NR2C2: variants seen among roughly 807,000 people sequenced by gnomAD.
NR2C2 encodes the protein nuclear receptor subfamily 2 group C member 2, also known as Nuclear hormone receptor TR4.
In NR2C2, 6 loss-of-function variants were observed where a neutral mutation model predicts 62.9. The ratio of observed to expected loss-of-function variants is 0.10; its 90% CI spans 0.05 to 0.19. NR2C2 has a LOEUF of 0.19. Ranked by LOEUF, NR2C2 falls within the 10% of genes least tolerant of loss-of-function variation. The pLI is 1.00. For missense variants in NR2C2, 479 were observed against 762.7 expected, an observed-to-expected ratio of 0.63 and a Z score of 4.38; for synonymous variants, 272 against 273.8, an observed-to-expected ratio of 0.99 and a Z score of 0.07.
intron 1 of NR2C2, among the ~76,000 whole-genome samples, chr3:14,964,842 A>G (rs1335247429): frequency 6.6e-6 from 1 of 151,964 alleles, no homozygotes; most frequent in Non-Finnish European, 1.5e-5. Context: ...ATTTTACAAT[A>G]ATTTGTATTC....
intron 1 of NR2C2, among the ~76,000 whole-genome samples, chr3:15,000,361 G>A (rs1448800083): frequency 1.3e-5 from 2 of 152,156 alleles, no homozygotes. Flanking sequence ...TCTTTTTAAA[G>A]GCTGAATAGT....
At chr3:14,956,079 C>T (rs2039515806) in intron 1 of NR2C2, among the ~76,000 whole-genome samples, 1 of 152,108 alleles carries the variant, frequency 6.6e-6, no homozygotes, top group African/African-American at 2.4e-5. Flanking sequence ...GCTAAGTAAA[C>T]TTGGAGTCTA....
intron 1 of NR2C2, among the ~76,000 whole-genome samples, chr3:14,973,410 T>A (rs1045757524): frequency 3.3e-5 from 5 of 152,066 alleles, no homozygotes; most frequent in African/African-American, 1.2e-4. Context: ...AAAAAAAAAT[T>A]TTTTTTAAAG....
At chr3:14,963,423 G>T (rs2039744931) in intron 1 of NR2C2, among the ~76,000 whole-genome samples, 1 of 152,106 alleles carries the variant, frequency 6.6e-6, no homozygotes, top group African/African-American at 2.4e-5. Flanking sequence ...TTAACCATGG[G>T]TCCTACTGCA....
At chr3:15,018,682 G>A (rs1181376410) in intron 4 of NR2C2, among the ~76,000 whole-genome samples, 1 of 151,980 alleles carries the variant, frequency 6.6e-6, no homozygotes, top group Non-Finnish European at 1.5e-5. Flanking sequence ...TGACCAACGT[G>A]GCAAAACCTC....
intron 4 of NR2C2, among the ~76,000 whole-genome samples, chr3:15,019,014 C>CT (rs1223450410): frequency 1.7e-5 from 1 of 58,100 alleles, no homozygotes; most frequent in Non-Finnish European, 3.0e-5. Flanking sequence ...AGACTCTTGT[C>CT]TTAAAAAAAA....
At chr3:14,958,562 T>TTAG (rs372594196) in intron 1 of NR2C2, among the ~76,000 whole-genome samples, 3 of 152,326 alleles carry the variant, frequency 2.0e-5, no homozygotes, top group African/African-American at 7.2e-5. Context: ...TAGTAACCAC[T>TTAG]TAGTGTTAGT....
At chr3:15,023,092 T>A in intron 5 of NR2C2, 108 bp from the exon 6 acceptor site, 1 of 1,254,120 alleles carries the variant, frequency 8.0e-7, no homozygotes, top group Non-Finnish European at 1.1e-6. Context: ...TAGATGAACC[T>A]AGCACCAGAG....
intron 7 of NR2C2, among the ~76,000 whole-genome samples, chr3:15,027,897 T>TA (rs767538315): frequency 2.6e-5 from 4 of 151,832 alleles, no homozygotes; most frequent in Non-Finnish European, 5.9e-5. Context: ...CATGGAATCT[T>TA]ACTCTGTCAC....
At chr3:14,962,380 G>C (rs1268127394) in intron 1 of NR2C2, 1 of 152,636 alleles carries the variant, frequency 6.6e-6, no homozygotes, top group South Asian at 2.1e-4. Context: ...CTCCCCACCT[G>C]ATAGAGGTTG....
intron 2 of NR2C2, 40 bp downstream of exon 2, chr3:15,004,026 A>G (rs2041096840): frequency 6.4e-7 from 1 of 1,553,166 alleles, no homozygotes. Context: ...CCTTTCCAGA[A>G]GAACTCTTTC....
intron 1 of NR2C2, among the ~76,000 whole-genome samples, chr3:14,978,244 T>G (rs554057893): frequency 6.6e-6 from 1 of 152,328 alleles, no homozygotes; most frequent in African/African-American, 2.4e-5. Flanking sequence ...AAACTCATTA[T>G]AGCTTGAAAA....
At chr3:15,027,557 A>G (rs1040966388) in intron 7 of NR2C2, among the ~76,000 whole-genome samples, 3 of 152,128 alleles carry the variant, frequency 2.0e-5, no homozygotes, top group East Asian at 1.9e-4. Flanking sequence ...GGCTGTTTAT[A>G]TATCTTCTTT....
intron 1 of NR2C2, among the ~76,000 whole-genome samples, chr3:14,964,818 G>A (rs1052522886): frequency 3.3e-5 from 5 of 151,952 alleles, no homozygotes; most frequent in Non-Finnish European, 4.4e-5. Flanking sequence ...CACCGTGCCC[G>A]GCCATGAATT....
At chr3:15,026,720 CAA>C (rs905386283) in intron 7 of NR2C2, 2 of 152,058 alleles carry the variant, frequency 1.3e-5, no homozygotes, top group East Asian at 1.9e-4. Flanking sequence ...TTTTTAAAGA[CAA>C]GAGTTTCGCT....
rs1432568657 is a variant in NR2C2 at position 15,048,649 on chromosome 3, T to C, written c.*5641T>C. ...GTATAATCAATTATTTTAATGACCA[T>C]AGCATTCATGGACTCAAATGCTGCT... On this transcript the variant is annotated 3_prime_UTR_variant, in exon 14 of 14. Coordinates refer to ENST00000425241, the MANE Select transcript of NR2C2 (RefSeq NM_001291694.2). The C allele has an allele frequency of 6.5e-6, 1 of 152,692 alleles. No individual in the cohort carries two copies. The highest frequency in any genetic ancestry group is 6.5e-5 in the Admixed American group (1 of 15,288). The allele number at this position is 152,692 out of a possible 1,614,324, so 9.5% of individuals were successfully genotyped here. A position where few individuals can be genotyped will look rare whatever the true frequency, so the allele number is the denominator to read the frequency against.
At chr3:14,982,669 G>C (rs764362581) in intron 1 of NR2C2, among the ~76,000 whole-genome samples, 4 of 151,938 alleles carry the variant, frequency 2.6e-5, no homozygotes, top group South Asian at 2.1e-4. Context: ...TAACAATCTT[G>C]CTCTTACGAA....
At chr3:14,952,472 G>A (rs2039395652) in intron 1 of NR2C2, among the ~76,000 whole-genome samples, 1 of 152,198 alleles carries the variant, frequency 6.6e-6, no homozygotes, top group Non-Finnish European at 1.5e-5. Flanking sequence ...ACCACACGGG[G>A]GGAGTCCGTG....
In NR2C2 at chr3:14,965,649, G is replaced by T. The variant is rs1018901859; in HGVS notation, c.-40+17743G>T. 1.8e-3 allele frequency among the ~76,000 whole-genome samples: 247 copies of T among 134,690 alleles called. 1 individual carries two copies. Among genetic ancestry groups the T allele is most frequent in the African/African-American group, 6.5e-3 (213 of 32,582 alleles). 88.4% of individuals were successfully genotyped at this position (134,690 alleles called of 152,430 possible). ...CCTAGATTTCCTTGCTGTTTTTTTTGTTTGTTTGTTTTTGTTTTTGTTTTT... is the reference window on the plus strand; with the variant it reads ...CCTAGATTTCCTTGCTGTTTTTTTTTTTTGTTTGTTTTTGTTTTTGTTTTT... On this transcript the variant is annotated intron_variant, in intron 1 of 13. Coordinates refer to ENST00000425241, the MANE Select transcript of NR2C2 (RefSeq NM_001291694.2).
Sources: allele counts gnomAD v4.1 joint callset (sites outside exome capture counted in the v4.1 genomes callset), GRCh38; gene constraint gnomAD v4.1.1; transcripts MANE v1.5; gene names NCBI Gene and HGNC (gene_info 2026-07-23, HGNC 2026-07-21).